The following SPACA7 variants were observed in gnomAD, a reference collection of about 807,000 sequenced individuals.
SPACA7 encodes the protein sperm acrosome-associated protein 7.
In SPACA7, 19 loss-of-function variants were observed where a neutral mutation model predicts 26.3. That is an observed-to-expected ratio of 0.72 (90% confidence interval 0.50 to 1.06). The LOEUF (loss-of-function observed/expected upper bound fraction) is 1.06. Ranked by LOEUF, SPACA7 falls within the 50% of genes least tolerant of loss-of-function variation. SPACA7 has a pLI of 0.00. For missense variants in SPACA7, 211 were observed against 229.9 expected (o/e 0.92, Z 0.53); for synonymous variants, 84 against 84.5 (o/e 0.99, Z 0.04).
chr13:112,427,750 A>T (rs1400733812), intron 5 of SPACA7, among the ~76,000 whole-genome samples: 2 of 152,110 alleles, frequency 1.3e-5, no homozygotes, highest in Non-Finnish European at 2.9e-5. Context: ...TTGTGTATTT[A>T]TTTCTTCTTT....
In SPACA7 at chr13:112,392,298, C is replaced by A. The variant is rs563349100; in HGVS notation, c.95-723C>A. The stretch of plus-strand genomic sequence containing the variant: ...TCTCAGGGTCACTCAGCACAGTCAG[C>A]TCCCATCAGTCAGGCAGCCGAGGCC... On this transcript the variant is annotated intron_variant, in intron 1 of 6. Transcript: ENST00000283550. Among the ~76,000 whole-genome samples, 5 of 152,332 alleles carry A rather than the reference C, an allele frequency of 3.3e-5. No individual in the cohort carries two copies. The South Asian group carries it at 1.0e-3, about 32-fold the overall frequency.
chr13:112,400,997 T>A, intron 4 of SPACA7, 72 bp from the exon 5 acceptor site: 1 of 1,112,628 alleles, frequency 9.0e-7, no homozygotes, highest in Admixed American at 2.0e-5. Context: ...TTTAAATAAA[T>A]AAATGACCAA....
intron 5 of SPACA7, among the ~76,000 whole-genome samples, chr13:112,420,535 A>G (rs1875845965): frequency 5.2e-5 from 1 of 19,086 alleles, no homozygotes; most frequent in Non-Finnish European, 9.3e-5. Flanking sequence ...CATAAAGGGA[A>G]AAAAAAGAAT....
intron 5 of SPACA7, among the ~76,000 whole-genome samples, chr13:112,430,078 T>C (rs747123763): frequency 2.2e-4 from 33 of 152,294 alleles, no homozygotes; most frequent in Admixed American, 5.9e-4. Context: ...CCTGTTCAGT[T>C]GTGTGGTCCT....
rs577021001 is a variant in SPACA7 at position 112,390,487 on chromosome 13, C to A, written c.95-2534C>A. Among the ~76,000 whole-genome samples the A allele has an allele frequency of 3.2e-4, 49 of 152,120 alleles. No individual in the cohort carries two copies. In the South Asian group the frequency reaches 1.0e-2, roughly 31 times the overall value. ...ATCCGAGAGCAGCATTTTTGGCCCT[C>A]TGTATTAGTCAGTTCTTGCACTGCT... On this transcript the variant is annotated intron_variant, in intron 1 of 6. Transcript: ENST00000283550.
In SPACA7 at chr13:112,430,174, CTG is replaced by C. The variant is rs61438595; in HGVS notation, c.446-2236_446-2235del. ...CAAGGCATCCCTTGCATCTCTCTCT[CTG>C]TGTGTGTGTGTGTGTGTGTGTGTGT... On this transcript the variant is annotated intron_variant, in intron 5 of 6. Transcript: ENST00000283550. 3.0e-3 allele frequency among the ~76,000 whole-genome samples: 405 copies of C among 134,184 alleles called. 2 individuals carry two copies. The highest frequency in any genetic ancestry group is 4.4e-3 in the African/African-American group (162 of 36,460). 88.0% of individuals were successfully genotyped at this position (134,184 alleles called of 152,430 possible).
chr13:112,418,606 C>T (rs994954399), intron 5 of SPACA7, among the ~76,000 whole-genome samples: 5 of 152,144 alleles, frequency 3.3e-5, no homozygotes, highest in African/African-American at 9.7e-5. Context: ...TTGGCAGAAG[C>T]AAATACAAAC....
chr13:112,381,426 G>A (rs1884050588), intron 1 of SPACA7, among the ~76,000 whole-genome samples: 1 of 151,072 alleles, frequency 6.6e-6, no homozygotes. Flanking sequence ...CCAAGAGGTC[G>A]AGGCTGCAGT....
chr13:112,415,542 G>C (rs1343221158), intron 5 of SPACA7, among the ~76,000 whole-genome samples: 1 of 152,094 alleles, frequency 6.6e-6, no homozygotes, highest in Non-Finnish European at 1.5e-5. Context: ...GGCAGGGTTT[G>C]TGCTAGGTTC....
chr13:112,419,161 G>A (rs1886867666), intron 5 of SPACA7, among the ~76,000 whole-genome samples: 1 of 152,154 alleles, frequency 6.6e-6, no homozygotes. Flanking sequence ...CAAAAAAGAG[G>A]CAAGCCTACC....
intron 5 of SPACA7, among the ~76,000 whole-genome samples, chr13:112,410,665 G>A (rs1051962579): frequency 7.2e-5 from 11 of 152,038 alleles, no homozygotes; most frequent in Admixed American, 6.6e-4. Flanking sequence ...TACTGGGGAG[G>A]ATGTAGAGAA....
At chr13:112,392,455 G>T (rs1473808270) in intron 1 of SPACA7, among the ~76,000 whole-genome samples, 3 of 152,164 alleles carry the variant, frequency 2.0e-5, no homozygotes, top group Admixed American at 2.0e-4. Flanking sequence ...AGGAGAAAGG[G>T]GGGTGGCCCA....
intron 2 of SPACA7, among the ~76,000 whole-genome samples, chr13:112,396,464 G>C (rs935509067): frequency 5.9e-5 from 9 of 152,184 alleles, no homozygotes; most frequent in Non-Finnish European, 1.2e-4. Context: ...CACGGCTGTA[G>C]AATGCTGCCT....
chr13:112,418,314 A>G (rs1886817062), intron 5 of SPACA7, among the ~76,000 whole-genome samples: 10 of 152,356 alleles, frequency 6.6e-5, no homozygotes, highest in Admixed American at 6.5e-4. Context: ...TATGAAACAT[A>G]GAAATTTGGC....
chr13:112,433,776 C>T (rs557625027), intron 6 of SPACA7, among the ~76,000 whole-genome samples: 24 of 152,300 alleles, frequency 1.6e-4, no homozygotes, highest in Admixed American at 6.5e-4. Context: ...CTCGTGCCCC[C>T]AGCAGCAGGG....
chr13:112,428,002 A>G (rs1285350534), intron 5 of SPACA7, among the ~76,000 whole-genome samples: 4 of 151,798 alleles, frequency 2.6e-5, no homozygotes, highest in Admixed American at 1.3e-4. Context: ...ATTTTCCTCT[A>G]TTTTGTTTTT....
At chr13:112,382,599 C>A in intron 1 of SPACA7, 1 of 1,461,236 alleles carries the variant, frequency 6.8e-7, no homozygotes, top group East Asian at 2.5e-5. Context: ...ACATTATTAC[C>A]TTTATCTATA....
chr13:112,383,497 T>C (rs1032744939), intron 1 of SPACA7, among the ~76,000 whole-genome samples: 1 of 152,238 alleles, frequency 6.6e-6, no homozygotes, highest in Admixed American at 6.5e-5. Context: ...TAATTATTTT[T>C]CACTTAGATT....
At chr13:112,431,213 A>G (rs963346936) in intron 5 of SPACA7, among the ~76,000 whole-genome samples, 3 of 152,244 alleles carry the variant, frequency 2.0e-5, no homozygotes, top group Non-Finnish European at 4.4e-5. Flanking sequence ...AGCAGCCTTT[A>G]AGGATGCCTG....
Sources: gnomAD v4.1 joint callset for allele counts (sites outside exome capture counted in the v4.1 genomes callset) on GRCh38, gnomAD v4.1.1 for gene constraint, MANE v1.5 for transcripts, NCBI Gene and HGNC (gene_info 2026-07-23, HGNC 2026-07-21) for gene names.